The following IQCM variants were observed in gnomAD, a reference collection of about 807,000 sequenced individuals.
IQCM encodes the protein IQ motif containing M.
IQCM carries 45 observed loss-of-function variants against 57.6 expected under a neutral mutation model. That is an observed-to-expected ratio of 0.78 (90% CI 0.62 to 1.00). The LOEUF (loss-of-function observed/expected upper bound fraction) is 1.00. IQCM is among the 50% of genes least tolerant of loss of function. IQCM has a pLI of 0.00. For missense variants in IQCM, 468 were observed against 511.6 expected (o/e 0.91, Z 0.82); for synonymous variants, 148 against 158.9 (o/e 0.93, Z 0.51).
At chr4:149,574,692 A>G (rs1007894325) in intron 9 of IQCM, among the ~76,000 whole-genome samples, 2 of 151,982 alleles carry the variant, frequency 1.3e-5, no homozygotes, top group African/African-American at 4.8e-5. Flanking sequence ...TAATGCTTAT[A>G]TGATAATATA....
rs564685145 is a variant in IQCM, at chr4:149,747,391, C to T, written c.-48-4652G>A. On this transcript the variant is annotated intron_variant, in intron 2 of 13. Transcript: ENST00000636793. ...GTATTTGCATATAACCTATGCACAC[C>T]CTCCCATATAGTTTAAATCATCTCT... 2.0e-5 allele frequency among the ~76,000 whole-genome samples: 3 copies of T among 152,196 alleles called. No individual in the cohort carries two copies. In the South Asian group the frequency reaches 6.2e-4, roughly 32 times the overall value.
intron 2 of IQCM, among the ~76,000 whole-genome samples, chr4:149,793,493 C>T (rs944270381): frequency 6.6e-6 from 1 of 152,156 alleles, no homozygotes; most frequent in African/African-American, 2.4e-5. Context: ...AAGCCAAAAA[C>T]TGCTTTAAGC....
intron 13 of IQCM, among the ~76,000 whole-genome samples, chr4:149,405,710 C>G (rs1732925908): frequency 6.6e-6 from 1 of 151,244 alleles, no homozygotes; most frequent in African/African-American, 2.4e-5. Flanking sequence ...AAATGATGTG[C>G]AGGACAGGAA....
intron 7 of IQCM, among the ~76,000 whole-genome samples, chr4:149,677,278 A>T (rs141277170): frequency 1.3e-3 from 197 of 152,216 alleles, no homozygotes; most frequent in African/African-American, 4.4e-3. Flanking sequence ...AGCTCTGGAA[A>T]CTGCTCTACA....
intron 7 of IQCM, among the ~76,000 whole-genome samples, chr4:149,672,376 T>C (rs1761373961): frequency 6.6e-6 from 1 of 151,940 alleles, no homozygotes; most frequent in Admixed American, 6.6e-5. Context: ...CTAAAAACCT[T>C]GAAAAAAGAT....
intron 12 of IQCM, among the ~76,000 whole-genome samples, chr4:149,502,847 G>A (rs1743403566): frequency 6.6e-6 from 1 of 152,030 alleles, no homozygotes; most frequent in Admixed American, 6.6e-5. Flanking sequence ...TCAGAGGAAG[G>A]CCAAATAAAC....
intron 8 of IQCM, among the ~76,000 whole-genome samples, chr4:149,590,241 T>G (rs566499955): frequency 2.2e-4 from 32 of 147,618 alleles, no homozygotes; most frequent in Non-Finnish European, 3.9e-4. Flanking sequence ...TTTTTCTTTT[T>G]CTTTCCTTTT....
chr4:149,578,413 A>G (rs541197482), intron 9 of IQCM, among the ~76,000 whole-genome samples: 30 of 151,792 alleles, frequency 2.0e-4, no homozygotes, highest in Non-Finnish European at 4.3e-4. Context: ...TGTTTATGCC[A>G]AAGGCGTGAT....
chr4:149,702,138 C>T (rs190785343), intron 5 of IQCM, among the ~76,000 whole-genome samples: 2 of 151,916 alleles, frequency 1.3e-5, no homozygotes, highest in East Asian at 3.9e-4. Flanking sequence ...CTTATATCTG[C>T]CACAAATATA....
intron 5 of IQCM, among the ~76,000 whole-genome samples, chr4:149,706,087 A>G (rs894569468): frequency 6.6e-6 from 1 of 152,060 alleles, no homozygotes; most frequent in Non-Finnish European, 1.5e-5. Flanking sequence ...TTTTTAAAAA[A>G]GTTTCAAGAT....
intron 9 of IQCM, among the ~76,000 whole-genome samples, chr4:149,583,598 G>A (rs1446897661): frequency 6.6e-6 from 1 of 151,502 alleles, no homozygotes; most frequent in Non-Finnish European, 1.5e-5. Flanking sequence ...CATCAAAAGA[G>A]TGTTTTATTC....
intron 13 of IQCM, among the ~76,000 whole-genome samples, chr4:149,412,558 T>C (rs1045209870): frequency 2.6e-5 from 4 of 152,154 alleles, no homozygotes; most frequent in African/African-American, 9.7e-5. Flanking sequence ...AACTATTTAC[T>C]GAGCACTTGT....
At chr4:149,781,038 A>C (rs568991902) in intron 2 of IQCM, among the ~76,000 whole-genome samples, 1 of 152,298 alleles carries the variant, frequency 6.6e-6, no homozygotes, top group African/African-American at 2.4e-5. Context: ...TTATATAGAT[A>C]TAATCATTAA....
At chr4:149,747,710 T>C (rs1419996309) in intron 2 of IQCM, among the ~76,000 whole-genome samples, 2 of 152,196 alleles carry the variant, frequency 1.3e-5, no homozygotes, top group Admixed American at 6.5e-5. Context: ...AGATACTCTA[T>C]GAATTTATGA....
At chr4:149,410,677 T>C (rs1443919546) in intron 13 of IQCM, among the ~76,000 whole-genome samples, 1 of 151,954 alleles carries the variant, frequency 6.6e-6, no homozygotes, top group African/African-American at 2.4e-5. Context: ...CTTTGCCTTA[T>C]GAAGAGCTAT....
At chr4:149,535,540 T>C (rs1747205686) in intron 12 of IQCM, among the ~76,000 whole-genome samples, 1 of 152,102 alleles carries the variant, frequency 6.6e-6, no homozygotes, top group South Asian at 2.1e-4. Context: ...AACAGACTTA[T>C]GAAAGTAATT....
chr4:149,426,463 G>A (rs964935807), intron 13 of IQCM, among the ~76,000 whole-genome samples: 6 of 151,938 alleles, frequency 3.9e-5, no homozygotes, highest in Admixed American at 3.3e-4. Flanking sequence ...CCAAACTAGA[G>A]GCATAAAACA....
Position 149,413,497 on chromosome 4 carries a change from A to T in IQCM, c.1390+19899T>A, listed in dbSNP as rs371326677. Among the ~76,000 whole-genome samples, 5 of 152,270 alleles carry T rather than the reference A, an allele frequency of 3.3e-5. No homozygotes were observed. The South Asian group carries it at 6.2e-4, about 19-fold the overall frequency. ...CGTGGCTGCTCAGAACCACACACAC[A>T]CTAGGAAGAATAATAAAAATGGCTG... On this transcript the variant is annotated intron_variant, in intron 13 of 13. Coordinates refer to ENST00000636793, the MANE Select transcript of IQCM (RefSeq NM_001363507.2).
chr4:149,456,662 T>C (rs542873081), intron 12 of IQCM, among the ~76,000 whole-genome samples: 33 of 152,172 alleles, frequency 2.2e-4, no homozygotes, highest in Admixed American at 8.5e-4. Context: ...TTGGATTTTT[T>C]GGTGAGAAAT....
Sources: allele counts gnomAD v4.1 joint callset (sites outside exome capture counted in the v4.1 genomes callset), GRCh38; gene constraint gnomAD v4.1.1; transcripts MANE v1.5; gene names NCBI Gene and HGNC (gene_info 2026-07-23, HGNC 2026-07-21).